RAB3GAP1: variants seen among roughly 807,000 people sequenced by gnomAD.
RAB3GAP1 encodes rab3 GTPase-activating protein catalytic subunit.
Under a neutral mutation model 130.7 loss-of-function variants are expected in RAB3GAP1, and 86 were observed. That is an observed-to-expected ratio of 0.66 (90% confidence interval 0.55 to 0.79). RAB3GAP1 has a LOEUF of 0.79. RAB3GAP1 is among the 30% of genes least tolerant of loss of function. RAB3GAP1 has a pLI of 0.00. For synonymous variants in RAB3GAP1, 367 were observed against 401.7 expected (o/e 0.91, Z 1.03); for missense variants, 1,029 against 1,169.4 (o/e 0.88, Z 1.75).
At chr2:135,175,824 G>A (rs1692989819) in intron 24 of RAB3GAP1, among the ~76,000 whole-genome samples, 1 of 152,210 alleles carries the variant, frequency 6.6e-6, no homozygotes, top group Admixed American at 6.5e-5. Context: ...AACTCTATCA[G>A]ACGTGGTAGA....
intron 3 of RAB3GAP1, among the ~76,000 whole-genome samples, chr2:135,070,391 A>T (rs1471153807): frequency 6.6e-6 from 1 of 152,178 alleles, no homozygotes; most frequent in Non-Finnish European, 1.5e-5. Context: ...CACATAGCTC[A>T]TCGTGGATAG....
chr2:135,093,714 G>A, intron 5 of RAB3GAP1, 21 bp downstream of exon 5: 3 of 1,550,604 alleles, frequency 1.9e-6, no homozygotes, highest in Non-Finnish European at 2.7e-6. Flanking sequence ...CTTTTACTCA[G>A]TATCTTTTAG....
chr2:135,075,849 G>A (rs1416397991), intron 3 of RAB3GAP1, among the ~76,000 whole-genome samples: 11 of 151,062 alleles, frequency 7.3e-5, no homozygotes, highest in Non-Finnish European at 1.0e-4. Context: ...TTTCATTTGA[G>A]CCCACCAATC....
At chr2:135,093,359 A>G (rs564805679) in intron 4 of RAB3GAP1, among the ~76,000 whole-genome samples, 1 of 152,298 alleles carries the variant, frequency 6.6e-6, no homozygotes, top group East Asian at 1.9e-4. Flanking sequence ...GAATTGTGTG[A>G]GTTGTGACTC....
At chr2:135,060,424 T>A (rs1574074530) in intron 3 of RAB3GAP1, among the ~76,000 whole-genome samples, 2 of 151,852 alleles carry the variant, frequency 1.3e-5, no homozygotes, top group East Asian at 3.9e-4. Flanking sequence ...CACACCTGGC[T>A]AATTTTTTGT....
chr2:135,153,553 A>T, intron 18 of RAB3GAP1, 96 bp from the exon 19 acceptor site: 2 of 1,126,002 alleles, frequency 1.8e-6, no homozygotes, highest in Non-Finnish European at 2.7e-6. Flanking sequence ...TGTAAAGATT[A>T]GATAGGCTTT....
At chr2:135,174,547 T>C (rs147979247), downstream of RAB3GAP1, among the ~76,000 whole-genome samples, 602 of 152,342 alleles carry the variant, frequency 4.0e-3, 5 homozygotes, top group African/African-American at 0.014. Flanking sequence ...TGTGGCCAGA[T>C]GGGACACCAT....
chr2:135,176,128 A>G (rs748176050), intron 24 of RAB3GAP1: 3 of 152,194 alleles, frequency 2.0e-5, no homozygotes, highest in Non-Finnish European at 2.9e-5. Flanking sequence ...GCAAAAGGCC[A>G]TGAACAACCA....
chr2:135,052,571 G>A, intron 2 of RAB3GAP1, 86 bp downstream of exon 2: 2 of 1,483,508 alleles, frequency 1.3e-6, no homozygotes, highest in Non-Finnish European at 1.9e-6. Context: ...CACCACAAGT[G>A]ACGCCACTTG....
At chr2:135,063,070 C>A (rs1009087366) in intron 3 of RAB3GAP1, among the ~76,000 whole-genome samples, 6 of 152,158 alleles carry the variant, frequency 3.9e-5, no homozygotes. Context: ...AAGTAGACAT[C>A]CTTGCCCTCT....
chr2:135,115,095 G>A, intron 6 of RAB3GAP1, 121 bp from the exon 7 acceptor site: 1 of 893,656 alleles, frequency 1.1e-6, no homozygotes, highest in Non-Finnish European at 1.7e-6. Context: ...CTGTGTTTTT[G>A]TTGTGTTTCC....
At chr2:135,103,745 A>G (rs1028415825) in intron 5 of RAB3GAP1, among the ~76,000 whole-genome samples, 1 of 152,184 alleles carries the variant, frequency 6.6e-6, no homozygotes, top group Admixed American at 6.5e-5. Context: ...GGAAGGTACA[A>G]AAACTTTTGC....
chr2:135,136,741 A>G (rs1257825138), intron 17 of RAB3GAP1: 5 of 1,163,372 alleles, frequency 4.3e-6, no homozygotes, highest in East Asian at 1.0e-4. Context: ...TTTGATACAT[A>G]TAAGAAGGGA....
At position 135,170,237 on chromosome 2, in the gene RAB3GAP1, G is replaced by A. The variant is rs542031986; in HGVS notation, c.*1456G>A. 9 of 152,150 alleles carry A rather than the reference G, an allele frequency of 5.9e-5. No homozygotes were observed. The highest frequency in any genetic ancestry group is 8.8e-5 in the Non-Finnish European group (6 of 68,036). 9.4% of individuals were successfully genotyped at this position (152,150 alleles called of 1,614,324 possible). A position where few individuals can be genotyped will look rare whatever the true frequency, so the allele number is the denominator to read the frequency against. ...CAAAGAAAAATTCTACAAAGGAGAG[G>A]TTGGGCGTTACAAAGGCATTGTGAA... is the stretch of plus-strand genomic sequence containing the variant. On this transcript the variant is annotated 3_prime_UTR_variant, in exon 24 of 24. Coordinates refer to ENST00000264158, the MANE Select transcript of RAB3GAP1 (RefSeq NM_012233.3).
chr2:135,151,293 G>T (rs1692165686), intron 18 of RAB3GAP1, among the ~76,000 whole-genome samples: 1 of 152,180 alleles, frequency 6.6e-6, no homozygotes, highest in Admixed American at 6.5e-5. Flanking sequence ...CCCAGGCGCA[G>T]ACTTCCCTCT....
chr2:135,106,184 G>GT (rs1183033029), intron 5 of RAB3GAP1, among the ~76,000 whole-genome samples: 4 of 151,452 alleles, frequency 2.6e-5, no homozygotes, highest in African/African-American at 7.3e-5. Context: ...GAGGTGGGGG[G>GT]TGCCTCTGCC....
At chr2:135,136,348 T>C (rs1691681284) in intron 17 of RAB3GAP1, among the ~76,000 whole-genome samples, 1 of 152,118 alleles carries the variant, frequency 6.6e-6, no homozygotes, top group Non-Finnish European at 1.5e-5. Context: ...AAAGTGTTTA[T>C]GTTTAAAGAT....
chr2:135,167,738 A>G lies in RAB3GAP1; in HGVS notation c.2710-807A>G, dbSNP rs1369707784. ...GGTAACAAAATAGCCTTTGCCCCTC[A>G]TAGTTCCTTGTTCCTTCCCATCCCT... On this transcript the variant is annotated intron_variant, in intron 23 of 23. Transcript: ENST00000264158. 4 of 1,461,452 alleles carry G rather than the reference A, an allele frequency of 2.7e-6. No homozygotes were observed. The Admixed American group carries it at 5.9e-5, about 22-fold the overall frequency. 90.5% of individuals were successfully genotyped at this position (1,461,452 alleles called of 1,614,324 possible). A position where few individuals can be genotyped will look rare whatever the true frequency, so the allele number is the denominator to read the frequency against.
chr2:135,136,407 CAT>C (rs1184516407), intron 17 of RAB3GAP1, among the ~76,000 whole-genome samples: 1 of 152,122 alleles, frequency 6.6e-6, no homozygotes, highest in Non-Finnish European at 1.5e-5. Context: ...TTCCCAATGA[CAT>C]AGATAAATGT....
Sources: gnomAD v4.1 joint callset for allele counts (sites outside exome capture counted in the v4.1 genomes callset) on GRCh38, gnomAD v4.1.1 for gene constraint, MANE v1.5 for transcripts, NCBI Gene and HGNC (gene_info 2026-07-23, HGNC 2026-07-21) for gene names.